MYO16: variants seen among roughly 807,000 people sequenced by gnomAD.
The protein encoded by MYO16 is unconventional myosin-XVI.
MYO16 carries 94 observed loss-of-function variants against 205.3 expected under a neutral mutation model. That is an observed-to-expected ratio of 0.46 (90% confidence interval 0.39 to 0.54). The LOEUF is 0.54. MYO16 is among the 20% of genes least tolerant of loss of function. MYO16 has a pLI of 0.00. For missense variants in MYO16, 2,315 were observed against 2,387.5 expected (o/e 0.97, Z 0.63); for synonymous variants, 988 against 954.0 (o/e 1.04, Z -0.66).
At chr13:108,956,679 T>A (rs980696438) in intron 16 of MYO16, among the ~76,000 whole-genome samples, 6 of 152,222 alleles carry the variant, frequency 3.9e-5, no homozygotes, top group South Asian at 2.1e-4. Context: ...TTCTAATTAT[T>A]CCAGGGATAA....
Position 109,055,357 on chromosome 13 carries a change from G to A in MYO16, c.3130-33G>A, listed in dbSNP as rs756855277. Reference sequence around the variant, plus strand: ...TATATTTTTAGCTAGTGTCTCCTTTGGAGAATCAGTTGGGTTCTACTTCTC... The same window carrying A: ...TATATTTTTAGCTAGTGTCTCCTTTAGAGAATCAGTTGGGTTCTACTTCTC... On this transcript the variant is annotated intron_variant, in intron 26 of 34. Transcript: ENST00000457511. The surrounding 1 kb of genome is among the most constrained non-coding windows in gnomAD (Gnocchi z 5.0). 1.9e-6 allele frequency: 3 copies of A among 1,542,240 alleles called. No individual in the cohort carries two copies. Among genetic ancestry groups the A allele is most frequent in the Non-Finnish European group, 2.7e-6 (3 of 1,122,986 alleles).
At chr13:108,684,362 G>T (rs1411303997) in intron 2 of MYO16, among the ~76,000 whole-genome samples, 1 of 152,206 alleles carries the variant, frequency 6.6e-6, no homozygotes, top group African/African-American at 2.4e-5. Flanking sequence ...ACAAAGAGGA[G>T]GTTAGATATA....
intron 1 of MYO16, among the ~76,000 whole-genome samples, chr13:108,597,911 G>A (rs1030813336): frequency 6.6e-6 from 1 of 152,048 alleles, no homozygotes; most frequent in Non-Finnish European, 1.5e-5. Context: ...TTAGAAACAG[G>A]GATACATAAT....
intron 3 of MYO16, among the ~76,000 whole-genome samples, chr13:108,718,530 G>C (rs1353292069): frequency 6.6e-6 from 1 of 151,876 alleles, no homozygotes; most frequent in Non-Finnish European, 1.5e-5. Context: ...GGAGGATGCA[G>C]CAGCAGGAAG....
intron 4 of MYO16, among the ~76,000 whole-genome samples, chr13:108,734,846 G>A (rs113534752): frequency 4.0e-4 from 61 of 152,244 alleles, no homozygotes; most frequent in Non-Finnish European, 6.8e-4. Flanking sequence ...ATTTTCCAGC[G>A]TGTCAGCTTG....
chr13:108,926,234 A>G (rs1881996722), intron 16 of MYO16, among the ~76,000 whole-genome samples: 1 of 152,244 alleles, frequency 6.6e-6, no homozygotes, highest in Non-Finnish European at 1.5e-5. Flanking sequence ...AAGAGGCTGC[A>G]GAGGCGACCA....
At chr13:108,910,199 A>T (rs1881190629) in intron 16 of MYO16, 49 bp downstream of exon 16, 1 of 1,557,070 alleles carries the variant, frequency 6.4e-7, no homozygotes, top group African/African-American at 1.4e-5. Flanking sequence ...TCAAATTGTG[A>T]TTGCAATTTG....
At chr13:109,037,783 C>T (rs576473207) in intron 23 of MYO16, among the ~76,000 whole-genome samples, 5 of 152,178 alleles carry the variant, frequency 3.3e-5, no homozygotes, top group African/African-American at 1.2e-4. Flanking sequence ...AGTAACTTGC[C>T]CTGGTTATCC....
intron 16 of MYO16, among the ~76,000 whole-genome samples, chr13:108,911,177 T>G (rs7991906): frequency 0.21 from 31,784 of 151,878 alleles, 4,004 homozygotes; most frequent in East Asian, 0.67. Flanking sequence ...CAGCAAGCCC[T>G]CCTCTTGAGT....
chr13:108,740,388 G>A (rs994096977), intron 4 of MYO16, among the ~76,000 whole-genome samples: 6 of 152,202 alleles, frequency 3.9e-5, no homozygotes, highest in Admixed American at 2.0e-4. Context: ...GTTGGAGTTT[G>A]CTGGAGGTTC....
chr13:108,840,000 G>T (rs183922016), intron 9 of MYO16, among the ~76,000 whole-genome samples: 26 of 152,282 alleles, frequency 1.7e-4, no homozygotes, highest in Admixed American at 1.7e-3. Flanking sequence ...TGTGCATTAT[G>T]TTATTAATCC....
intron 1 of MYO16, among the ~76,000 whole-genome samples, chr13:108,650,436 C>T (rs1052628986): frequency 2.6e-5 from 4 of 152,096 alleles, no homozygotes; most frequent in Non-Finnish European, 5.9e-5. Flanking sequence ...TGTCTGAGCA[C>T]CAGAGAATTT....
chr13:109,107,863 G>T (rs916036707), intron 28 of MYO16, among the ~76,000 whole-genome samples: 2 of 118,432 alleles, frequency 1.7e-5, no homozygotes, highest in Non-Finnish European at 3.7e-5. Context: ...GTCTGTGTGT[G>T]TGTATTTCCT....
At chr13:108,992,284 G>A (rs2139438919) in intron 20 of MYO16, 92 bp from the exon 21 acceptor site, 2 of 819,154 alleles carry the variant, frequency 2.4e-6, no homozygotes, top group South Asian at 4.2e-5. Flanking sequence ...AATGTGCTAA[G>A]TGGCTGGATT....
intron 23 of MYO16, among the ~76,000 whole-genome samples, chr13:109,022,638 T>A (rs62647037): frequency 7.8e-6 from 1 of 127,606 alleles, no homozygotes; most frequent in Non-Finnish European, 1.6e-5. Context: ...ATTATATATA[T>A]GCATATAAAC....
chr13:109,128,829 T>C (rs1045727582), intron 31 of MYO16, among the ~76,000 whole-genome samples: 4 of 145,464 alleles, frequency 2.7e-5, no homozygotes, highest in Non-Finnish European at 4.5e-5. Flanking sequence ...TGGAGTGCAA[T>C]GGCACAATCT....
intron 1 of MYO16, among the ~76,000 whole-genome samples, chr13:108,599,370 C>T (rs1878680062): frequency 6.7e-6 from 1 of 149,898 alleles, no homozygotes; most frequent in African/African-American, 2.5e-5. Flanking sequence ...AATGGGATGG[C>T]TGGGTCGAAT....
At chr13:108,897,978 A>C in intron 14 of MYO16, 38 bp from the exon 15 acceptor site, 1 of 1,461,722 alleles carries the variant, frequency 6.8e-7, no homozygotes, top group Non-Finnish European at 9.6e-7. Flanking sequence ...ATTTCTTAAA[A>C]TATGAGCAGT....
intron 8 of MYO16, among the ~76,000 whole-genome samples, chr13:108,821,040 A>T (rs538711806): frequency 9.9e-5 from 15 of 152,122 alleles, no homozygotes; most frequent in African/African-American, 3.1e-4. Context: ...GTTACTATTC[A>T]TAATTATTTT....
Sources: gnomAD v4.1 joint callset for allele counts (sites outside exome capture counted in the v4.1 genomes callset) on GRCh38, gnomAD v4.1.1 for gene constraint, Gnocchi (gnomAD v3.1) non-coding constraint, MANE v1.5 for transcripts, NCBI Gene and HGNC (gene_info 2026-07-23, HGNC 2026-07-21) for gene names.